PAPSS2: variants seen among roughly 807,000 people sequenced by gnomAD.
The protein encoded by PAPSS2 is bifunctional 3'-phosphoadenosine 5'-phosphosulfate synthase 2.
Under a neutral mutation model 66.5 loss-of-function variants are expected in PAPSS2, and 61 were observed. That is an observed-to-expected ratio of 0.92 (90% CI 0.75 to 1.14). PAPSS2 has a LOEUF of 1.14. PAPSS2 is among the 50% of genes most tolerant of loss of function. The pLI is 0.00. For missense variants in PAPSS2, 708 were observed against 789.6 expected (o/e 0.90, Z 1.24); for synonymous variants, 289 against 287.5 (o/e 1.01, Z -0.05).
chr10:87,743,658 G>T lies in PAPSS2; in HGVS notation c.1491+17G>T. 6.2e-7 allele frequency: 1 copy of T among 1,614,130 alleles called. No homozygotes were observed. The highest frequency in any genetic ancestry group is 8.5e-7 in the Non-Finnish European group (1 of 1,179,984). Reference sequence around the variant, plus strand: ...CCCACAGAGGTGAGCAATTCCCAGAGCTGGGCTTTGAGACTCAGGAATTCA... The same window carrying T: ...CCCACAGAGGTGAGCAATTCCCAGATCTGGGCTTTGAGACTCAGGAATTCA... On this transcript the variant is annotated intron_variant, in intron 11 of 12. Transcript: ENST00000456849.
chr10:87,661,961 T>A (rs543237478), intron 1 of PAPSS2, among the ~76,000 whole-genome samples: 1 of 152,306 alleles, frequency 6.6e-6, no homozygotes, highest in African/African-American at 2.4e-5. Context: ...TGTAAATGCA[T>A]GTGGAATCTC....
At chr10:87,737,236 T>C (rs1482673168) in intron 9 of PAPSS2, among the ~76,000 whole-genome samples, 3 of 152,136 alleles carry the variant, frequency 2.0e-5, no homozygotes, top group Non-Finnish European at 1.5e-5. Flanking sequence ...AGATGGTTCT[T>C]CTGCAGGTCT....
At chr10:87,662,748 T>A (rs1589415595) in intron 1 of PAPSS2, among the ~76,000 whole-genome samples, 1 of 152,200 alleles carries the variant, frequency 6.6e-6, no homozygotes, top group East Asian at 1.9e-4. Context: ...AAACATTGAC[T>A]GAGATATTAA....
chr10:87,663,352 T>G (rs1440992684), intron 1 of PAPSS2, among the ~76,000 whole-genome samples: 1 of 152,094 alleles, frequency 6.6e-6, no homozygotes, highest in Non-Finnish European at 1.5e-5. Context: ...CCTCAGGTGA[T>G]TCACCCACCT....
intron 7 of PAPSS2, among the ~76,000 whole-genome samples, chr10:87,720,645 G>A (rs1036147471): frequency 6.6e-6 from 1 of 151,810 alleles, no homozygotes; most frequent in African/African-American, 2.4e-5. Flanking sequence ...TTCTGACCAT[G>A]TCTCCTAAAA....
intron 1 of PAPSS2, among the ~76,000 whole-genome samples, chr10:87,674,165 A>T (rs1479712826): frequency 6.6e-6 from 1 of 151,988 alleles, no homozygotes; most frequent in Admixed American, 6.6e-5. Context: ...TTGGATGGGT[A>T]AAAAAAATTT....
intron 1 of PAPSS2, among the ~76,000 whole-genome samples, chr10:87,676,410 C>T (rs552513849): frequency 8.5e-5 from 13 of 152,244 alleles, no homozygotes; most frequent in Admixed American, 2.0e-4. Flanking sequence ...CCTCCAAAAA[C>T]GGACCTGTCT....
At chr10:87,693,954 C>T (rs534597735) in intron 1 of PAPSS2, among the ~76,000 whole-genome samples, 1 of 152,306 alleles carries the variant, frequency 6.6e-6, no homozygotes, top group South Asian at 2.1e-4. Flanking sequence ...TGGAACATGT[C>T]ATTTTACTGA....
chr10:87,738,441 C>T (rs933986357), intron 9 of PAPSS2, among the ~76,000 whole-genome samples: 1 of 149,992 alleles, frequency 6.7e-6, no homozygotes, highest in African/African-American at 2.4e-5. Flanking sequence ...GTGTGTGTGT[C>T]TCTGTCACCC....
chr10:87,715,953 C>T, intron 7 of PAPSS2, 110 bp downstream of exon 7: 1 of 745,014 alleles, frequency 1.3e-6, no homozygotes, highest in Non-Finnish European at 2.4e-6. Context: ...AATCTTATTG[C>T]AAAACTGTTT....
At chr10:87,677,402 G>A (rs1249574076) in intron 1 of PAPSS2, among the ~76,000 whole-genome samples, 1 of 152,066 alleles carries the variant, frequency 6.6e-6, no homozygotes, top group Non-Finnish European at 1.5e-5. Context: ...ATGCCCCTAT[G>A]TATTGAATCT....
rs548188955 is a variant in PAPSS2, at chr10:87,686,492, C to T, written c.28-22704C>T. Among the ~76,000 whole-genome samples, 3 of 152,212 alleles carry T rather than the reference C, an allele frequency of 2.0e-5. No homozygotes were observed. In the South Asian group the frequency reaches 6.2e-4, roughly 32 times the overall value. On this transcript the variant is annotated intron_variant, in intron 1 of 12. Transcript: ENST00000456849. ...GGTCTTCGTATAGCTCACCTCACACCCAGTACACACACCCGCTCCTGGGAT... is the reference window on the plus strand; with the variant it reads ...GGTCTTCGTATAGCTCACCTCACACTCAGTACACACACCCGCTCCTGGGAT...
At chr10:87,723,930 G>A (rs1459241447) in intron 8 of PAPSS2, among the ~76,000 whole-genome samples, 2 of 152,080 alleles carry the variant, frequency 1.3e-5, no homozygotes, top group African/African-American at 4.8e-5. Context: ...TGCTTCCTCT[G>A]GAGTTAAATG....
intron 2 of PAPSS2, among the ~76,000 whole-genome samples, chr10:87,709,895 T>C (rs561568356): frequency 2.8e-4 from 42 of 152,352 alleles, no homozygotes; most frequent in African/African-American, 1.0e-3. Flanking sequence ...CTGAAGTGAC[T>C]GAATGACTCT....
At chr10:87,701,927 T>A (rs1853324245) in intron 1 of PAPSS2, among the ~76,000 whole-genome samples, 1 of 152,204 alleles carries the variant, frequency 6.6e-6, no homozygotes, top group Non-Finnish European at 1.5e-5. Context: ...GAAGTGGGTA[T>A]ATCGTGGTAG....
chr10:87,738,061 T>A (rs1853822008), intron 9 of PAPSS2, among the ~76,000 whole-genome samples: 1 of 152,242 alleles, frequency 6.6e-6, no homozygotes, highest in South Asian at 2.1e-4. Context: ...TTCCTTCCTT[T>A]TAAAGGATGA....
At chr10:87,676,730 G>A (rs1852952174) in intron 1 of PAPSS2, among the ~76,000 whole-genome samples, 1 of 151,964 alleles carries the variant, frequency 6.6e-6, no homozygotes, top group African/African-American at 2.4e-5. Flanking sequence ...AGCCAAGCCA[G>A]GTGTGATGGC....
chr10:87,739,112 T>C (rs139119663), intron 9 of PAPSS2, among the ~76,000 whole-genome samples: 2,023 of 152,304 alleles, frequency 0.013, 39 homozygotes, highest in Middle Eastern at 0.078. Context: ...TTTTCCCTTA[T>C]ATTTTTTGTA....
chr10:87,728,375 C>T (rs72811988), intron 9 of PAPSS2, among the ~76,000 whole-genome samples: 58,805 of 152,024 alleles, frequency 0.39, 11,633 homozygotes, highest in South Asian at 0.49. Flanking sequence ...CTGTCAGACC[C>T]AGGAGACTCT....
Sources: gnomAD v4.1 joint callset for allele counts (sites outside exome capture counted in the v4.1 genomes callset) on GRCh38, gnomAD v4.1.1 for gene constraint, MANE v1.5 for transcripts, NCBI Gene and HGNC (gene_info 2026-07-23, HGNC 2026-07-21) for gene names.